LUZP2: variants seen among roughly 807,000 people sequenced by gnomAD.
LUZP2 encodes leucine zipper protein 2.
LUZP2 carries 52 observed loss-of-function variants against 51.6 expected under a neutral mutation model. The ratio of observed to expected loss-of-function variants is 1.01; its 90% confidence interval spans 0.81 to 1.27. LUZP2 has a LOEUF of 1.27. LUZP2 is among the 50% of genes most tolerant of loss of function. The probability of loss-of-function intolerance (pLI) is 0.00; values close to 1 mark genes in which losing one functional copy is unlikely to be tolerated. For missense variants in LUZP2, 436 were observed against 395.4 expected (o/e 1.10, Z -0.87); for synonymous variants, 154 against 137.3 (o/e 1.12, Z -0.85).
intron 1 of LUZP2, among the ~76,000 whole-genome samples, chr11:24,565,872 G>A (rs1232728015): frequency 6.6e-6 from 1 of 152,036 alleles, no homozygotes; most frequent in African/African-American, 2.4e-5. Flanking sequence ...CAGAATATTT[G>A]TAAATTATGG....
intron 1 of LUZP2, among the ~76,000 whole-genome samples, chr11:24,672,758 C>G (rs1408105472): frequency 6.6e-6 from 1 of 152,174 alleles, no homozygotes; most frequent in Non-Finnish European, 1.5e-5. Context: ...ATGGTATATC[C>G]TATGCCTCCT....
intron 1 of LUZP2, among the ~76,000 whole-genome samples, chr11:24,516,104 GA>G: frequency 6.7e-6 from 1 of 148,630 alleles, no homozygotes; most frequent in Non-Finnish European, 1.5e-5. Flanking sequence ...TCTTATAGTA[GA>G]TTTTTTTTTT....
intron 1 of LUZP2, among the ~76,000 whole-genome samples, chr11:24,728,958 G>C (rs1260276975): frequency 6.6e-6 from 1 of 151,984 alleles, no homozygotes; most frequent in Non-Finnish European, 1.5e-5. Context: ...GATATCTGGA[G>C]TATAGCTAGC....
At chr11:24,723,907 A>G (rs549070988) in intron 1 of LUZP2, among the ~76,000 whole-genome samples, 1 of 152,298 alleles carries the variant, frequency 6.6e-6, no homozygotes, top group Non-Finnish European at 1.5e-5. Context: ...ATTTTTACAA[A>G]CTTGATATCA....
At chr11:25,056,325 A>G (rs1248753957) in intron 10 of LUZP2, among the ~76,000 whole-genome samples, 1 of 152,176 alleles carries the variant, frequency 6.6e-6, no homozygotes, top group African/African-American at 2.4e-5. Flanking sequence ...GAATATAGTC[A>G]GGAATTGAGG....
intron 7 of LUZP2, among the ~76,000 whole-genome samples, chr11:24,960,640 T>C (rs1855364783): frequency 6.6e-6 from 1 of 152,030 alleles, no homozygotes; most frequent in Admixed American, 6.6e-5. Context: ...TCTCTCTTTT[T>C]TTCTTTATTA....
At position 24,983,122 on chromosome 11, in the gene LUZP2, G is replaced by T. The variant is rs1378919173; in HGVS notation, c.598-4G>T. ...TAAATATGTTAATGCCTCTTTTTTTGTAGGAGTCACAGATGAAAGCAATGA... is the reference window on the plus strand; with the variant it reads ...TAAATATGTTAATGCCTCTTTTTTTTTAGGAGTCACAGATGAAAGCAATGA... On this transcript the variant is annotated splice_polypyrimidine_tract_variant and splice_region_variant and intron_variant, in intron 8 of 11. Coordinates refer to ENST00000336930, the MANE Select transcript of LUZP2 (RefSeq NM_001009909.4). 2.5e-6 allele frequency: 4 copies of T among 1,603,234 alleles called. No homozygotes were observed. The highest frequency in any genetic ancestry group is 3.5e-5 in the Admixed American group (2 of 57,462).
At chr11:24,999,809 C>G (rs1305496504) in intron 9 of LUZP2, among the ~76,000 whole-genome samples, 1 of 152,164 alleles carries the variant, frequency 6.6e-6, no homozygotes, top group Non-Finnish European at 1.5e-5. Context: ...GTTGGTCTCA[C>G]TGACTTCAAG....
At chr11:25,014,102 G>A (rs955175518) in intron 9 of LUZP2, among the ~76,000 whole-genome samples, 2 of 152,154 alleles carry the variant, frequency 1.3e-5, no homozygotes, top group South Asian at 2.1e-4. Context: ...TGGCTGCATA[G>A]AATTCCATGG....
At chr11:24,954,343 T>C (rs1056511890) in intron 7 of LUZP2, among the ~76,000 whole-genome samples, 1 of 152,048 alleles carries the variant, frequency 6.6e-6, no homozygotes, top group Admixed American at 6.6e-5. Context: ...CATGACACTT[T>C]CCACAGTGCA....
intron 8 of LUZP2, 84 bp from the exon 9 acceptor site, chr11:24,983,042 T>C: frequency 7.4e-7 from 1 of 1,348,298 alleles, no homozygotes; most frequent in South Asian, 1.4e-5. Flanking sequence ...GTGGGGAGTA[T>C]AGGCTAAGAG....
intron 5 of LUZP2, among the ~76,000 whole-genome samples, chr11:24,843,265 G>A (rs1047307848): frequency 6.6e-6 from 1 of 151,952 alleles, no homozygotes; most frequent in African/African-American, 2.4e-5. Flanking sequence ...ACAAAGTGGG[G>A]CCATTTGATT....
intron 5 of LUZP2, among the ~76,000 whole-genome samples, chr11:24,869,762 G>A (rs1590664574): frequency 6.6e-6 from 1 of 152,078 alleles, no homozygotes; most frequent in African/African-American, 2.4e-5. Flanking sequence ...CCTCTCATCA[G>A]GGGTCCCTAT....
chr11:25,063,104 A>G (rs898046621), intron 10 of LUZP2, among the ~76,000 whole-genome samples: 3 of 151,592 alleles, frequency 2.0e-5, no homozygotes, highest in African/African-American at 7.3e-5. Context: ...TTAACCAACC[A>G]CGGATCAAAA....
chr11:24,987,142 A>G (rs1234067514), intron 9 of LUZP2, among the ~76,000 whole-genome samples: 1 of 151,946 alleles, frequency 6.6e-6, no homozygotes, highest in African/African-American at 2.4e-5. Context: ...TGACACACAT[A>G]AAGCAGTCAA....
At chr11:24,819,676 T>C (rs57713919) in intron 5 of LUZP2, among the ~76,000 whole-genome samples, 1,719 of 152,256 alleles carry the variant, frequency 0.011, 31 homozygotes, top group African/African-American at 0.039. Context: ...CATTGGTTAA[T>C]CAAATTTGTA....
At chr11:25,051,070 C>T (rs908519221) in intron 10 of LUZP2, among the ~76,000 whole-genome samples, 1 of 152,086 alleles carries the variant, frequency 6.6e-6, no homozygotes, top group Non-Finnish European at 1.5e-5. Flanking sequence ...TGAAACTATG[C>T]TTGAAAGAAA....
At chr11:24,559,677 T>C (rs1287019963) in intron 1 of LUZP2, among the ~76,000 whole-genome samples, 1 of 152,196 alleles carries the variant, frequency 6.6e-6, no homozygotes, top group Non-Finnish European at 1.5e-5. Flanking sequence ...TCTTGTGACT[T>C]TTCTGAAAAA....
At chr11:24,644,509 C>T (rs1234619494) in intron 1 of LUZP2, among the ~76,000 whole-genome samples, 3 of 150,888 alleles carry the variant, frequency 2.0e-5, no homozygotes, top group African/African-American at 7.3e-5. Flanking sequence ...TTTTTCACAG[C>T]TACCCAACTG....
Sources: gnomAD v4.1 joint callset for allele counts (sites outside exome capture counted in the v4.1 genomes callset) on GRCh38, gnomAD v4.1.1 for gene constraint, MANE v1.5 for transcripts, NCBI Gene and HGNC (gene_info 2026-07-23, HGNC 2026-07-21) for gene names.